The following EFCAB6 variants were observed in gnomAD, a reference collection of about 807,000 sequenced individuals.
The protein encoded by EFCAB6 is EF-hand calcium binding domain 6.
A neutral mutation model predicts 169.8 loss-of-function variants in EFCAB6; 156 were observed. The observed-to-expected ratio is 0.92, with a 90% CI of 0.81 to 1.05. The LOEUF (loss-of-function observed/expected upper bound fraction) is 1.05, where lower values mean the gene tolerates loss of function less well. EFCAB6 is among the 50% of genes least tolerant of loss of function. The pLI is 0.00. For synonymous variants in EFCAB6, 698 were observed against 676.4 expected (o/e 1.03, Z -0.50); for missense variants, 1,800 against 1,829.1 (o/e 0.98, Z 0.29).
At chr22:43,568,952 C>T (rs1728044578) in intron 26 of EFCAB6, among the ~76,000 whole-genome samples, 1 of 152,214 alleles carries the variant, frequency 6.6e-6, no homozygotes, top group African/African-American at 2.4e-5. Context: ...CATGTGACCA[C>T]CCTTCACAGG....
chr22:43,612,514 G>GA (rs1176833083), intron 21 of EFCAB6, among the ~76,000 whole-genome samples: 1 of 152,014 alleles, frequency 6.6e-6, no homozygotes, highest in Non-Finnish European at 1.5e-5. Flanking sequence ...ACAATCATAT[G>GA]AAAAAAAGCT....
At chr22:43,800,274 A>G (rs1203562472) in intron 2 of EFCAB6, among the ~76,000 whole-genome samples, 2 of 152,194 alleles carry the variant, frequency 1.3e-5, no homozygotes, top group Non-Finnish European at 2.9e-5. Context: ...GTCAAGGTGA[A>G]CCTGAGCTCA....
chr22:43,538,480 C>T (rs1180318964), intron 28 of EFCAB6, among the ~76,000 whole-genome samples: 3 of 152,178 alleles, frequency 2.0e-5, no homozygotes, highest in Admixed American at 2.0e-4. Context: ...CCTCCGCTTC[C>T]CAGGTTCACG....
rs1400304313 is a variant in EFCAB6 at position 43,572,030 on chromosome 22, C to T, written c.3420+4267G>A. On this transcript the variant is annotated intron_variant, in intron 26 of 31. Coordinates refer to ENST00000262726, the MANE Select transcript of EFCAB6 (RefSeq NM_022785.4). This position sits in a 1 kb window ranked among gnomAD's most constrained non-coding sequence, Gnocchi z 4.0. The stretch of plus-strand genomic sequence containing the variant: ...CCCATTGAATTCCCAGAAAACAGAT[C>T]GCACACTGATGGGACAGGGCAGGAG... Among the ~76,000 whole-genome samples, 3 of 152,184 alleles carry T rather than the reference C, an allele frequency of 2.0e-5. No homozygotes were observed. Among genetic ancestry groups the T allele is most frequent in the Non-Finnish European group, 2.9e-5 (2 of 68,036 alleles).
chr22:43,709,954 A>T (rs1340166919), intron 10 of EFCAB6, among the ~76,000 whole-genome samples: 2 of 152,156 alleles, frequency 1.3e-5, no homozygotes, highest in Non-Finnish European at 2.9e-5. Context: ...TGGGGAATGG[A>T]GCCAGCTGCT....
chr22:43,624,503 C>T (rs1425064907), intron 20 of EFCAB6, among the ~76,000 whole-genome samples: 1 of 152,188 alleles, frequency 6.6e-6, no homozygotes, highest in Admixed American at 6.5e-5. Flanking sequence ...CCCCATTTCC[C>T]AAACGTGCTT....
At chr22:43,653,839 G>A (rs2056605274) in intron 17 of EFCAB6, among the ~76,000 whole-genome samples, 1 of 152,110 alleles carries the variant, frequency 6.6e-6, no homozygotes, top group Admixed American at 6.5e-5. Context: ...GTCCCATCAG[G>A]TTCTCAAGGT....
intron 2 of EFCAB6, chr22:43,802,541 A>AC: frequency 2.9e-6 from 1 of 350,372 alleles, no homozygotes; most frequent in Non-Finnish European, 5.5e-6. Flanking sequence ...AAAAAAAAAA[A>AC]AAGATAAAAC....
At position 43,745,774 on chromosome 22, in the gene EFCAB6, A is replaced by G. The variant is rs544029655; in HGVS notation, c.508-9781T>C. Among the ~76,000 whole-genome samples the G allele has an allele frequency of 2.6e-5, 4 of 152,354 alleles. No individual in the cohort carries two copies. The East Asian group carries it at 7.7e-4, about 29-fold the overall frequency. On this transcript the variant is annotated intron_variant, in intron 6 of 31. Transcript: ENST00000262726. Reference sequence around the variant, plus strand: ...TTCTACTTTTGGCTATTTTGTATAAAATCTTTAATTAAAGTTTTTCTTTGA... The same window carrying G: ...TTCTACTTTTGGCTATTTTGTATAAGATCTTTAATTAAAGTTTTTCTTTGA...
rs1253257412 is a variant in EFCAB6, at chr22:43,667,243, A to G, written c.1844T>C (p.Leu615Pro). The change falls in exon 17 of 32, where the codon CTG becomes CCG. Residue 615 changes from leucine (L) to proline (P), a missense_variant. Coordinates refer to ENST00000262726, the MANE Select transcript of EFCAB6 (RefSeq NM_022785.4). ...RTKLTEDKTT[L>P]TKKMTTEEVI... ...TTCTTCTGTGGTCATCTTCTTGGTCAGGGTGGTTTTATCCTCCGTGAGCTT... is the reference window on the plus strand; with the variant it reads ...TTCTTCTGTGGTCATCTTCTTGGTCGGGGTGGTTTTATCCTCCGTGAGCTT... The G allele has an allele frequency of 1.2e-6, 2 of 1,614,058 alleles. No homozygotes were observed. The highest frequency in any genetic ancestry group is 3.3e-5 in the Admixed American group (2 of 60,012).
At chr22:43,787,360 A>G (rs1603374257) in intron 2 of EFCAB6, among the ~76,000 whole-genome samples, 1 of 126,106 alleles carries the variant, frequency 7.9e-6, no homozygotes, top group Non-Finnish European at 1.8e-5. Context: ...ATGCACACAC[A>G]CACACACACA....
At chr22:43,757,276 G>A (rs941434501) in intron 5 of EFCAB6, among the ~76,000 whole-genome samples, 4 of 152,190 alleles carry the variant, frequency 2.6e-5, no homozygotes. Context: ...AGCCAAGCAT[G>A]GTGGCTCACG....
chr22:43,761,730 G>A (rs922586011), intron 5 of EFCAB6, among the ~76,000 whole-genome samples: 1 of 150,232 alleles, frequency 6.7e-6, no homozygotes. Context: ...CCAATATTTC[G>A]AGTGTTGGAG....
intron 10 of EFCAB6, among the ~76,000 whole-genome samples, chr22:43,697,613 A>G (rs1047504558): frequency 6.6e-6 from 1 of 152,196 alleles, no homozygotes; most frequent in African/African-American, 2.4e-5. Context: ...TTTTGCTAAA[A>G]AACACATGAA....
chr22:43,628,572 G>A lies in EFCAB6; in HGVS notation c.2233-1893C>T, dbSNP rs546061658. 2.0e-5 allele frequency among the ~76,000 whole-genome samples: 3 copies of A among 152,110 alleles called. No homozygotes were observed. Among genetic ancestry groups the A allele is most frequent in the Non-Finnish European group, 2.9e-5 (2 of 68,024 alleles). ...ACTCAGAGTCCAAGGCCAAGGCCTG[G>A]CCGTGGCCCACAAGCCTGTCTACAC... is the stretch of plus-strand genomic sequence containing the variant. On this transcript the variant is annotated intron_variant, in intron 19 of 31. Coordinates refer to ENST00000262726, the MANE Select transcript of EFCAB6 (RefSeq NM_022785.4). The surrounding 1 kb of genome is among the most constrained non-coding windows in gnomAD (Gnocchi z 4.8).
intron 10 of EFCAB6, among the ~76,000 whole-genome samples, chr22:43,702,372 G>C (rs2058798386): frequency 6.6e-6 from 1 of 152,136 alleles, no homozygotes; most frequent in Non-Finnish European, 1.5e-5. Flanking sequence ...GGAACACCTT[G>C]GTGGAAATGC....
Position 43,721,262 on chromosome 22 carries a change from C to A in EFCAB6, c.758-4290G>T, listed in dbSNP as rs5764240. On this transcript the variant is annotated intron_variant, in intron 8 of 31. Transcript: ENST00000262726. ...AAGTGGAAAAAATATTCTATGCTTA[C>A]GGATTGAAAGAATCAGTATCATTAA... Among the ~76,000 whole-genome samples the A allele has an allele frequency of 1.7e-4, 26 of 151,736 alleles. No homozygotes were observed. In the East Asian group the frequency reaches 5.0e-3, roughly 29 times the overall value.
intron 17 of EFCAB6, among the ~76,000 whole-genome samples, chr22:43,659,861 A>G (rs1049823819): frequency 1.4e-4 from 21 of 152,196 alleles, no homozygotes; most frequent in Admixed American, 1.4e-3. Flanking sequence ...AGGAAAGCAC[A>G]TCTCGGGCTA....
At chr22:43,722,703 G>A (rs1240529312) in intron 8 of EFCAB6, among the ~76,000 whole-genome samples, 1 of 152,106 alleles carries the variant, frequency 6.6e-6, no homozygotes, top group Non-Finnish European at 1.5e-5. Context: ...TCCAATTACT[G>A]GGCATATATC....
Sources: allele counts gnomAD v4.1 joint callset (sites outside exome capture counted in the v4.1 genomes callset), GRCh38; gene constraint gnomAD v4.1.1; non-coding constraint Gnocchi (gnomAD v3.1); transcripts MANE v1.5; gene names NCBI Gene and HGNC (gene_info 2026-07-23, HGNC 2026-07-21).